Variants in PIGL observed in about 807,000 individuals in gnomAD.
The protein encoded by PIGL is phosphatidylinositol glycan anchor biosynthesis class L.
PIGL carries 22 observed loss-of-function variants against 31.1 expected under a neutral mutation model. The ratio of observed to expected loss-of-function variants is 0.71; its 90% confidence interval spans 0.51 to 1.01. PIGL has a LOEUF of 1.01. Ranked by LOEUF, PIGL falls within the 50% of genes least tolerant of loss-of-function variation. PIGL has a pLI of 0.00. For synonymous variants in PIGL, 131 were observed against 117.4 expected, an observed-to-expected ratio of 1.12 and a Z score of -0.75; for missense variants, 302 against 315.9, an observed-to-expected ratio of 0.96 and a Z score of 0.33.
At chr17:16,248,760 C>T (rs1001923138) in intron 2 of PIGL, among the ~76,000 whole-genome samples, 6 of 152,196 alleles carry the variant, frequency 3.9e-5, no homozygotes, top group African/African-American at 1.4e-4. Flanking sequence ...TTTTATGTAT[C>T]TGTTACTTCA....
At chr17:16,223,246 T>C (rs1216010221) in intron 1 of PIGL, among the ~76,000 whole-genome samples, 1 of 152,092 alleles carries the variant, frequency 6.6e-6, no homozygotes, top group Non-Finnish European at 1.5e-5. Context: ...ATTGAATATA[T>C]ATGGTAGAGA....
chr17:16,268,358 C>T (rs1235023868), intron 2 of PIGL, among the ~76,000 whole-genome samples: 1 of 132,088 alleles, frequency 7.6e-6, no homozygotes, highest in Non-Finnish European at 1.8e-5. Flanking sequence ...CCTTCTGTTG[C>T]CACTTCCTCT....
Position 16,244,655 on chromosome 17 carries a change from A to G in PIGL, c.335+10585A>G, listed in dbSNP as rs957764191. Among the ~76,000 whole-genome samples the G allele has an allele frequency of 2.0e-5, 3 of 152,140 alleles. No individual in the cohort carries two copies. In the South Asian group the frequency reaches 6.2e-4, roughly 32 times the overall value. Reference sequence around the variant, plus strand: ...GATAAACACCTCCTAAGTTGAAGGTATAAAGCGGGGAGTTTTTGGTTTTTG... The same window carrying G: ...GATAAACACCTCCTAAGTTGAAGGTGTAAAGCGGGGAGTTTTTGGTTTTTG... On this transcript the variant is annotated intron_variant, in intron 2 of 6. Coordinates refer to ENST00000225609, the MANE Select transcript of PIGL (RefSeq NM_004278.4).
intron 2 of PIGL, among the ~76,000 whole-genome samples, chr17:16,246,444 G>A (rs948406663): frequency 6.6e-6 from 1 of 151,222 alleles, no homozygotes; most frequent in South Asian, 2.1e-4. Flanking sequence ...CCCGGGAAGC[G>A]GAGGTTGCAC....
At chr17:16,285,886 C>T (rs1439010507) in intron 2 of PIGL, among the ~76,000 whole-genome samples, 1 of 152,256 alleles carries the variant, frequency 6.6e-6, no homozygotes, top group African/African-American at 2.4e-5. Context: ...AACCTCCCTG[C>T]AGCTTAGACT....
At chr17:16,298,065 C>T (rs1163933618) in intron 2 of PIGL, among the ~76,000 whole-genome samples, 2 of 152,142 alleles carry the variant, frequency 1.3e-5, no homozygotes, top group Admixed American at 6.6e-5. Flanking sequence ...TAATGCCCCC[C>T]ACCCCTGTCC....
At chr17:16,321,136 C>T (rs1398024045) in intron 6 of PIGL, among the ~76,000 whole-genome samples, 1 of 151,664 alleles carries the variant, frequency 6.6e-6, no homozygotes, top group Non-Finnish European at 1.5e-5. Flanking sequence ...CAGGGTTTCA[C>T]CATGTTGGCC....
chr17:16,257,145 G>T (rs563087285), intron 2 of PIGL, among the ~76,000 whole-genome samples: 22 of 151,918 alleles, frequency 1.4e-4, no homozygotes, highest in African/African-American at 5.3e-4. Context: ...GACCAGGCAC[G>T]GTGGCTCATG....
intron 2 of PIGL, among the ~76,000 whole-genome samples, chr17:16,237,166 G>C (rs1000517408): frequency 7.6e-5 from 11 of 145,610 alleles, no homozygotes; most frequent in African/African-American, 2.8e-4. Flanking sequence ...GGAGTGCAGT[G>C]GTGCCATCTC....
At chr17:16,217,788 G>C (rs2092599071) in intron 1 of PIGL, 1 of 301,006 alleles carries the variant, frequency 3.3e-6, no homozygotes, top group Non-Finnish European at 6.3e-6. Context: ...TGTAGAAGGA[G>C]CAAGAATATT....
chr17:16,246,747 G>T (rs564866015), intron 2 of PIGL, among the ~76,000 whole-genome samples: 2 of 135,228 alleles, frequency 1.5e-5, no homozygotes, highest in Non-Finnish European at 3.1e-5. Flanking sequence ...CTGCAGTGGC[G>T]CAATCTCGGC....
At chr17:16,321,237 C>CT (rs772667855) in intron 6 of PIGL, among the ~76,000 whole-genome samples, 10,065 of 119,778 alleles carry the variant, frequency 0.084, 1,321 homozygotes, top group African/African-American at 0.26. Flanking sequence ...TGCGCCGGGC[C>CT]TTTTTTTTTT....
intron 2 of PIGL, among the ~76,000 whole-genome samples, chr17:16,294,640 G>A (rs931945992): frequency 5.3e-5 from 8 of 152,176 alleles, no homozygotes; most frequent in African/African-American, 1.7e-4. Context: ...GTAAGACATC[G>A]CCTCTATCTT....
intron 1 of PIGL, among the ~76,000 whole-genome samples, chr17:16,227,933 A>T (rs1268767848): frequency 6.6e-6 from 1 of 151,918 alleles, no homozygotes; most frequent in African/African-American, 2.4e-5. Context: ...TTTTATAGGG[A>T]TAACGCCTAT....
At chr17:16,303,923 C>A (rs1036860433) in intron 3 of PIGL, among the ~76,000 whole-genome samples, 44 of 152,066 alleles carry the variant, frequency 2.9e-4, no homozygotes, top group African/African-American at 9.9e-4. Flanking sequence ...GCCGTGTTAG[C>A]CAGGATGGTC....
At chr17:16,254,494 G>A (rs1180663435) in intron 2 of PIGL, among the ~76,000 whole-genome samples, 1 of 151,960 alleles carries the variant, frequency 6.6e-6, no homozygotes, top group Non-Finnish European at 1.5e-5. Flanking sequence ...TCTCGAACTC[G>A]CGACCTCAGG....
At position 16,310,092 on chromosome 17, in the gene PIGL, A is replaced by AG. The variant is rs1430939355; in HGVS notation, c.427-3455_427-3454insG. 1.4e-4 allele frequency among the ~76,000 whole-genome samples: 21 copies of AG among 151,416 alleles called. No homozygotes were observed. The East Asian group carries it at 1.5e-3, about 11-fold the overall frequency. ...GACTCCATCTCAAAAAAAAAAAAAA[A>AG]AAAGAAAGAAAGAAAGAAAAAAGAA... On this transcript the variant is annotated intron_variant, in intron 3 of 6. Coordinates refer to ENST00000225609, the MANE Select transcript of PIGL (RefSeq NM_004278.4).
intron 1 of PIGL, among the ~76,000 whole-genome samples, chr17:16,220,698 G>A (rs990460410): frequency 2.0e-5 from 3 of 151,870 alleles, no homozygotes; most frequent in Admixed American, 2.0e-4. Context: ...TGTTGGTCAG[G>A]CTGGTCTCAA....
At chr17:16,223,964 C>T (rs935319438) in intron 1 of PIGL, among the ~76,000 whole-genome samples, 6 of 152,142 alleles carry the variant, frequency 3.9e-5, no homozygotes, top group African/African-American at 1.4e-4. Context: ...CGCCTGTAAT[C>T]CCAGCACTTT....
Sources: gnomAD v4.1 joint callset for allele counts (sites outside exome capture counted in the v4.1 genomes callset) on GRCh38, gnomAD v4.1.1 for gene constraint, MANE v1.5 for transcripts, NCBI Gene and HGNC (gene_info 2026-07-23, HGNC 2026-07-21) for gene names.